Variants in PRKN observed in about 807,000 individuals in gnomAD.
PRKN encodes the protein E3 ubiquitin-protein ligase parkin.
Under a neutral mutation model 59.5 loss-of-function variants are expected in PRKN, and 56 were observed. The ratio of observed to expected loss-of-function variants is 0.94; its 90% CI spans 0.76 to 1.18. PRKN has a LOEUF of 1.18. Ranked by LOEUF, PRKN falls within the 50% of genes most tolerant of loss-of-function variation. PRKN has a pLI of 0.00. For missense variants in PRKN, 657 were observed against 596.4 expected (o/e 1.10, Z -1.06); for synonymous variants, 250 against 222.1 (o/e 1.13, Z -1.12).
At chr6:162,559,116 A>T (rs984007292) in intron 1 of PRKN, among the ~76,000 whole-genome samples, 4 of 134,162 alleles carry the variant, frequency 3.0e-5, no homozygotes. Flanking sequence ...GTGCCACTGC[A>T]CTCCTGCCTG....
rs144188672 is a variant in PRKN at position 162,051,717 on chromosome 6, C to T, written c.618+2374G>A. On this transcript the variant is annotated intron_variant, in intron 5 of 11. Transcript: ENST00000366898. The stretch of plus-strand genomic sequence containing the variant: ...GGCTGATGGGAAGAAGCCTTCCTTC[C>T]TCTCCATCCTGGTGGGGCAGCTGCC... 4.1e-3 allele frequency among the ~76,000 whole-genome samples: 629 copies of T among 152,282 alleles called. 4 individuals carry two copies. Among genetic ancestry groups the T allele is most frequent in the African/African-American group, 0.014 (589 of 41,576 alleles).
chr6:161,708,518 G>A (rs535576332), intron 7 of PRKN, among the ~76,000 whole-genome samples: 1 of 151,572 alleles, frequency 6.6e-6, no homozygotes. Flanking sequence ...CTGTGTATGG[G>A]GGGGAGGTAT....
intron 7 of PRKN, among the ~76,000 whole-genome samples, chr6:161,784,035 T>C (rs917758585): frequency 2.0e-5 from 3 of 152,196 alleles, no homozygotes; most frequent in African/African-American, 7.2e-5. Flanking sequence ...AGTCAAGGTA[T>C]CCCATAGTTT....
At chr6:161,971,212 T>C (rs1327269694) in intron 6 of PRKN, among the ~76,000 whole-genome samples, 1 of 152,230 alleles carries the variant, frequency 6.6e-6, no homozygotes, top group African/African-American at 2.4e-5. Context: ...GGGAAGTAAG[T>C]GGCTCATTCT....
intron 7 of PRKN, among the ~76,000 whole-genome samples, chr6:161,728,508 A>G (rs1787543436): frequency 6.6e-6 from 1 of 152,194 alleles, no homozygotes; most frequent in Admixed American, 6.5e-5. Flanking sequence ...AAAGTAGAAT[A>G]TATAGCAGGA....
At position 162,727,665 on chromosome 6, in the gene PRKN, T is replaced by A; in HGVS notation, c.4A>T (p.Ile2Leu). Residue 2 changes from isoleucine to leucine, a missense_variant, in exon 1 of 12, where the codon ATA (isoleucine) becomes TTA (leucine). Physicochemically the swap from Ile to Leu is conservative, Grantham distance 5. Coordinates refer to ENST00000366898, the MANE Select transcript of PRKN (RefSeq NM_004562.3). M[I>L]VFVRFNSSHG... Reference sequence around the variant, plus strand: ...TACCTGGCAGGTACCCACGTACCTATCATGGTCACTGGGTAGGTGGCGGCT... The same window carrying A: ...TACCTGGCAGGTACCCACGTACCTAACATGGTCACTGGGTAGGTGGCGGCT... The A allele has an allele frequency of 6.3e-7, 1 of 1,583,878 alleles. No homozygotes were observed. Among genetic ancestry groups the A allele is most frequent in the Non-Finnish European group, 8.6e-7 (1 of 1,166,004 alleles).
intron 7 of PRKN, among the ~76,000 whole-genome samples, chr6:161,640,081 C>T (rs1359236449): frequency 1.3e-5 from 2 of 152,168 alleles, no homozygotes; most frequent in African/African-American, 4.8e-5. Flanking sequence ...TTAGGCTAAC[C>T]AGCACTGTAT....
chr6:162,574,764 G>GTTTTT (rs371613068), intron 1 of PRKN, among the ~76,000 whole-genome samples: 14,077 of 85,746 alleles, frequency 0.16, 906 homozygotes, highest in Middle Eastern at 0.27. Context: ...ATGATACTAA[G>GTTTTT]TTGTTTTTTT....
Position 162,496,222 on chromosome 6 carries a change from G to A in PRKN, c.8-52749C>T, listed in dbSNP as rs533262865. Among the ~76,000 whole-genome samples the A allele has an allele frequency of 2.6e-5, 4 of 151,972 alleles. No individual in the cohort carries two copies. The East Asian group carries it at 5.8e-4, about 22-fold the overall frequency. On this transcript the variant is annotated intron_variant, in intron 1 of 11. Transcript: ENST00000366898. ...ATTGCATTCCAACCTGGGCAATAGA[G>A]CGAGACTCAGTCTCGGGGGAAAAAA...
chr6:161,674,172 T>C (rs1053599760), intron 7 of PRKN, among the ~76,000 whole-genome samples: 1 of 152,136 alleles, frequency 6.6e-6, no homozygotes, highest in Non-Finnish European at 1.5e-5. Context: ...GACTGAGTTC[T>C]GGGCTGGGAG....
chr6:161,394,170 A>G (rs1403048650), intron 9 of PRKN, among the ~76,000 whole-genome samples: 3 of 152,230 alleles, frequency 2.0e-5, no homozygotes, highest in Non-Finnish European at 2.9e-5. Flanking sequence ...TTTTGAAAAG[A>G]AGAAAGTAAG....
intron 2 of PRKN, among the ~76,000 whole-genome samples, chr6:162,351,944 A>G (rs74569439): frequency 3.9e-5 from 6 of 152,260 alleles, no homozygotes; most frequent in African/African-American, 7.2e-5. Flanking sequence ...CTTTGAGTAG[A>G]TAAGTGTACT....
intron 6 of PRKN, among the ~76,000 whole-genome samples, chr6:161,823,484 G>A (rs1024696459): frequency 3.3e-5 from 5 of 152,076 alleles, no homozygotes; most frequent in African/African-American, 1.2e-4. Context: ...CTGTCCATAA[G>A]TGTATGAAAT....
chr6:161,941,291 GAGGAACACACCGGGGGCTGGATGTCTAC>G (rs946098227), intron 6 of PRKN, among the ~76,000 whole-genome samples: 14 of 152,310 alleles, frequency 9.2e-5, no homozygotes, highest in African/African-American at 3.1e-4. Context: ...CACATCAGCA[GAGGAACACACCGGGGGCTGGATGTCTAC>G]AGGAACACAC....
chr6:162,096,937 G>A (rs374784559), intron 4 of PRKN, among the ~76,000 whole-genome samples: 1 of 133,724 alleles, frequency 7.5e-6, no homozygotes, highest in Non-Finnish European at 1.5e-5. Flanking sequence ...CAGGATCTTG[G>A]CTCAGTGCAA....
At position 162,127,078 on chromosome 6, in the gene PRKN, C is replaced by A. The variant is rs1264325757; in HGVS notation, c.535-72904G>T. 3.3e-5 allele frequency among the ~76,000 whole-genome samples: 5 copies of A among 152,152 alleles called. No individual in the cohort carries two copies. In the East Asian group the frequency reaches 9.6e-4, roughly 29 times the overall value. On this transcript the variant is annotated intron_variant, in intron 4 of 11. Transcript: ENST00000366898. Reference sequence around the variant, plus strand: ...CTTTTCCTTTTTACATTATTGATTTCTAAACCAATAAAATGGATACTTATT... The same window carrying A: ...CTTTTCCTTTTTACATTATTGATTTATAAACCAATAAAATGGATACTTATT...
chr6:162,623,235 A>G (rs562781074), intron 1 of PRKN, among the ~76,000 whole-genome samples: 318 of 152,268 alleles, frequency 2.1e-3, no homozygotes, highest in Non-Finnish European at 3.2e-3. Context: ...TCATGTAGGG[A>G]ATAATTTATG....
intron 7 of PRKN, among the ~76,000 whole-genome samples, chr6:161,694,184 A>C (rs930887811): frequency 6.6e-6 from 1 of 152,102 alleles, no homozygotes; most frequent in African/African-American, 2.4e-5. Context: ...TTACCAGATT[A>C]TTTCTTCCAT....
intron 7 of PRKN, among the ~76,000 whole-genome samples, chr6:161,606,196 A>G (rs1330863687): frequency 6.6e-6 from 1 of 152,196 alleles, no homozygotes; most frequent in East Asian, 1.9e-4. Context: ...GGTGTGAAGA[A>G]CAGGCTGATA....
Sources: gnomAD v4.1 joint callset for allele counts (sites outside exome capture counted in the v4.1 genomes callset) on GRCh38, gnomAD v4.1.1 for gene constraint, MANE v1.5 for transcripts, NCBI Gene and HGNC (gene_info 2026-07-23, HGNC 2026-07-21) for gene names.